Variants in MIER2 observed in about 807,000 individuals in gnomAD.
MIER2 encodes mesoderm induction early response protein 2.
In MIER2, 30 loss-of-function variants were observed where a neutral mutation model predicts 67.6. The ratio of observed to expected loss-of-function variants is 0.44; its 90% CI spans 0.33 to 0.60. MIER2 has a LOEUF of 0.60. Ranked by LOEUF, MIER2 falls within the 20% of genes least tolerant of loss-of-function variation. MIER2 has a pLI of 0.02. For synonymous variants in MIER2, 372 were observed against 312.6 expected (o/e 1.19, Z -2.00); for missense variants, 702 against 745.1 (o/e 0.94, Z 0.67).
intron 1 of MIER2, among the ~76,000 whole-genome samples, chr19:341,194 G>A (rs1310150034): frequency 6.6e-6 from 1 of 152,202 alleles, no homozygotes; most frequent in African/African-American, 2.4e-5. Flanking sequence ...TCAGTCAGGG[G>A]CTGGCTTTCT....
chr19:308,973 C>T lies in MIER2; in HGVS notation c.985-48G>A. Reference sequence around the variant, plus strand: ...ATCTCTGTCCCCGGCTGCCCAGCCCCAGCACCTGCACCACGATCCCAGGAC... The same window carrying T: ...ATCTCTGTCCCCGGCTGCCCAGCCCTAGCACCTGCACCACGATCCCAGGAC... On this transcript the variant is annotated intron_variant, in intron 10 of 13. Transcript: ENST00000264819. The surrounding 1 kb of genome is among the most constrained non-coding windows in gnomAD (Gnocchi z 9.1). The T allele has an allele frequency of 6.3e-7, 1 of 1,575,034 alleles. No homozygotes were observed. Among genetic ancestry groups the T allele is most frequent in the Non-Finnish European group, 8.7e-7 (1 of 1,154,304 alleles).
At chr19:334,791 T>A (rs1466064673) in intron 2 of MIER2, among the ~76,000 whole-genome samples, 1 of 152,144 alleles carries the variant, frequency 6.6e-6, no homozygotes, top group Non-Finnish European at 1.5e-5. Flanking sequence ...AGACTGCTTG[T>A]CTTCCTGAAC....
intron 7 of MIER2, among the ~76,000 whole-genome samples, chr19:325,424 C>T (rs544911332): frequency 2.3e-4 from 35 of 152,230 alleles, no homozygotes; most frequent in Non-Finnish European, 3.8e-4. Context: ...CCAGAGCAGA[C>T]CCCAAGGGAG....
intron 1 of MIER2, chr19:344,342 G>T (rs1384174140): frequency 1.0e-6 from 1 of 984,830 alleles, no homozygotes; most frequent in Non-Finnish European, 1.2e-6. Flanking sequence ...GGCGCCTGGC[G>T]GCCCCAGCAC....
chr19:340,939 T>C (rs1300784816), intron 1 of MIER2, among the ~76,000 whole-genome samples: 1 of 151,958 alleles, frequency 6.6e-6, no homozygotes, highest in Non-Finnish European at 1.5e-5. Flanking sequence ...CAGCACAGAG[T>C]GCATGGCAGC....
At chr19:328,173 T>C (rs558145760) in intron 3 of MIER2, among the ~76,000 whole-genome samples, 184 bp from the exon 4 acceptor site, 16 of 152,134 alleles carry the variant, frequency 1.1e-4, no homozygotes, top group African/African-American at 3.9e-4. Context: ...AGAGCTCCTT[T>C]ACAATCCCTC....
intron 7 of MIER2, among the ~76,000 whole-genome samples, chr19:319,116 C>A (rs1348534861): frequency 6.6e-6 from 1 of 150,960 alleles, no homozygotes; most frequent in East Asian, 2.0e-4. Flanking sequence ...AATCCCAGCT[C>A]TTTGGGAGGC....
At chr19:326,276 G>A (rs1280723725) in intron 6 of MIER2, among the ~76,000 whole-genome samples, 5 of 151,134 alleles carry the variant, frequency 3.3e-5, no homozygotes, top group Non-Finnish European at 5.9e-5. Context: ...TTGGGGAGAC[G>A]GCAGAACCAC....
chr19:344,229 G>A (rs1972634775), intron 1 of MIER2: 1 of 985,392 alleles, frequency 1.0e-6, no homozygotes, highest in Non-Finnish European at 1.2e-6. Context: ...GCGGGTCCGC[G>A]TCGGGAGTTC....
chr19:315,238 G>A (rs1469337776), intron 7 of MIER2, among the ~76,000 whole-genome samples: 3 of 152,020 alleles, frequency 2.0e-5, no homozygotes, highest in African/African-American at 4.8e-5. Context: ...GGTCATGGGC[G>A]CCTGTAATCT....
Position 308,212 on chromosome 19 carries a change from A to C in MIER2, c.1198+365T>G, listed in dbSNP as rs1457837879. 6.6e-6 allele frequency among the ~76,000 whole-genome samples: 1 copy of C among 152,044 alleles called. No individual in the cohort carries two copies. The highest frequency in any genetic ancestry group is 1.5e-5 in the Non-Finnish European group (1 of 67,978). Reference sequence around the variant, plus strand: ...CAAGATCCTGGCGACGGCTCCGGACACCCTGTCCTTCCTGAGTGTCCTGGT... The same window carrying C: ...CAAGATCCTGGCGACGGCTCCGGACCCCCTGTCCTTCCTGAGTGTCCTGGT... On this transcript the variant is annotated intron_variant, in intron 12 of 13. Transcript: ENST00000264819. This position sits in a 1 kb window ranked among gnomAD's most constrained non-coding sequence, Gnocchi z 9.1.
Position 308,111 on chromosome 19 carries a change from G to A in MIER2, c.1198+466C>T, listed in dbSNP as rs369444904. Reference sequence around the variant, plus strand: ...CCTCCCCGTGTGGGTCTCCACCTTCGGACGCCACATCAGACACCACCATCG... The same window carrying A: ...CCTCCCCGTGTGGGTCTCCACCTTCAGACGCCACATCAGACACCACCATCG... On this transcript the variant is annotated intron_variant, in intron 12 of 13. Coordinates refer to ENST00000264819, the MANE Select transcript of MIER2 (RefSeq NM_017550.3). This position sits in a 1 kb window ranked among gnomAD's most constrained non-coding sequence, Gnocchi z 9.1. 6.6e-6 allele frequency among the ~76,000 whole-genome samples: 1 copy of A among 152,114 alleles called. No individual in the cohort carries two copies. The highest frequency in any genetic ancestry group is 2.4e-5 in the African/African-American group (1 of 41,422).
Position 325,635 on chromosome 19 carries a change from T to A in MIER2, c.655A>T (p.Ile219Phe). ...NLHLNRHCEK[I>F]YENEDQLLWD... ...CCTCCTCTCCCCAGGCCCTACTTAC[T>A]CTTCTCACAGTGCCGGTTCAAGTGC... The change falls in exon 7 of 14, where the codon ATC becomes TTC. Residue 219 changes from isoleucine to phenylalanine, a missense_variant and splice_region_variant. Around this residue, in one of 3 missense-constraint regions of MIER2, gnomAD observed 320 missense variants for 292.6 expected, o/e 1.09. Transcript: ENST00000264819. 6.2e-7 allele frequency: 1 copy of A among 1,614,136 alleles called. No individual in the cohort carries two copies. The highest frequency in any genetic ancestry group is 8.5e-7 in the Non-Finnish European group (1 of 1,180,008).
rs201519441 is a variant in MIER2, at chr19:308,618, C to T, written c.1157G>A (p.Arg386His). 1.8e-5 allele frequency: 29 copies of T among 1,607,238 alleles called. No individual in the cohort carries two copies. The highest frequency in any genetic ancestry group is 3.6e-4 in the Middle Eastern group (2 of 5,580). ...LDGSDPDGPG[R>H]PRPEQDTLTG... ...CAGGGTGTCTTGCTCCGGGCGCGGA[C>T]GGCCGGGGCCATCGGGGTCGCTGCC... Residue 386 changes from arginine (R) to histidine (H), a missense_variant, in exon 12 of 14, where the codon CGT (arginine) becomes CAT (histidine). Transcript: ENST00000264819. This position sits in a 1 kb window ranked among gnomAD's most constrained non-coding sequence, Gnocchi z 9.1.
rs564447823 is a variant in MIER2, at chr19:308,758, G to T, written c.1109+43C>A. The T allele has an allele frequency of 6.3e-7, 1 of 1,593,490 alleles. No homozygotes were observed. Among genetic ancestry groups the T allele is most frequent in the South Asian group, 1.1e-5 (1 of 90,412 alleles). ...AGGCGCCCACGTGCCCACCCCCGGC[G>T]GGGTGGCCGCCTGTCGTTACTGCTG... On this transcript the variant is annotated intron_variant, in intron 11 of 13. Coordinates refer to ENST00000264819, the MANE Select transcript of MIER2 (RefSeq NM_017550.3). The surrounding 1 kb of genome is among the most constrained non-coding windows in gnomAD (Gnocchi z 9.1).
At chr19:322,348 A>G (rs1052737663) in intron 7 of MIER2, among the ~76,000 whole-genome samples, 6 of 152,232 alleles carry the variant, frequency 3.9e-5, no homozygotes, top group African/African-American at 1.4e-4. Context: ...ACACACACAC[A>G]TTATTATTCA....
chr19:327,367 G>C (rs1971809834), intron 4 of MIER2, 111 bp from the exon 5 acceptor site: 1 of 1,330,056 alleles, frequency 7.5e-7, no homozygotes, highest in African/African-American at 1.5e-5. Flanking sequence ...CTCACATGGG[G>C]CTGCTATTCC....
chr19:342,640 C>T (rs1972557616), intron 1 of MIER2, among the ~76,000 whole-genome samples: 1 of 149,640 alleles, frequency 6.7e-6, no homozygotes, highest in Non-Finnish European at 1.5e-5. Flanking sequence ...GAAGCATTCC[C>T]GTCTGCCACT....
At chr19:341,745 C>T (rs751968101) in intron 1 of MIER2, among the ~76,000 whole-genome samples, 6 of 152,090 alleles carry the variant, frequency 3.9e-5, no homozygotes, top group Admixed American at 3.3e-4. Context: ...AGCAGGCCAA[C>T]GGTATTCCAG....
Sources: allele counts gnomAD v4.1 joint callset (sites outside exome capture counted in the v4.1 genomes callset), GRCh38; gene constraint gnomAD v4.1.1; regional missense constraint gnomAD v4.1.1; non-coding constraint Gnocchi (gnomAD v3.1); transcripts MANE v1.5; gene names NCBI Gene and HGNC (gene_info 2026-07-23, HGNC 2026-07-21).